Variants in GULP1 observed in about 807,000 individuals in gnomAD.
GULP1 encodes the protein GULP PTB domain containing engulfment adaptor 1.
A neutral mutation model predicts 40.9 loss-of-function variants in GULP1; 19 were observed. The observed-to-expected ratio is 0.46, with a 90% CI of 0.32 to 0.68. GULP1 has a LOEUF of 0.68. Ranked by LOEUF, GULP1 falls within the 30% of genes least tolerant of loss-of-function variation. The probability of loss-of-function intolerance (pLI) is 0.03; values close to 1 mark genes in which losing one functional copy is unlikely to be tolerated. For missense variants in GULP1, 312 were observed against 362.2 expected, an observed-to-expected ratio of 0.86 and a Z score of 1.12; for synonymous variants, 119 against 117.6, an observed-to-expected ratio of 1.01 and a Z score of -0.08.
At chr2:188,348,637 G>T (rs1469978525) in intron 1 of GULP1, among the ~76,000 whole-genome samples, 1 of 152,180 alleles carries the variant, frequency 6.6e-6, no homozygotes, top group Non-Finnish European at 1.5e-5. Context: ...AGGTGAAAAT[G>T]AAGAGTTACA....
At chr2:188,397,680 G>A (rs1482796546) in intron 2 of GULP1, among the ~76,000 whole-genome samples, 1 of 152,154 alleles carries the variant, frequency 6.6e-6, no homozygotes, top group African/African-American at 2.4e-5. Context: ...AGCTTAGCTG[G>A]TACCTCTGGC....
chr2:188,569,315 AT>A lies in GULP1; in HGVS notation c.477del (p.Asp159GlufsTer18). 1 of 1,598,308 alleles carries A rather than the reference AT, an allele frequency of 6.3e-7. No homozygotes were observed. Among genetic ancestry groups the A allele is most frequent in the Non-Finnish European group, 8.6e-7 (1 of 1,165,722 alleles). On this transcript the variant is annotated frameshift_variant, in exon 8 of 12. Transcript: ENST00000409830. LOFTEE classifies it high-confidence loss of function. Reference sequence around the variant, plus strand: ...AAATTTCTAGAATCAGGAGGAAAAGATGTTGAAACAAGAAAACAGATCGCAG... The same window carrying A: ...AAATTTCTAGAATCAGGAGGAAAAGAGTTGAAACAAGAAAACAGATCGCAG... ...YRKFLESGGK[D>X]VETRKQIAGL...
At chr2:188,566,593 C>T (rs954341886) in intron 7 of GULP1, among the ~76,000 whole-genome samples, 1 of 151,544 alleles carries the variant, frequency 6.6e-6, no homozygotes, top group African/African-American at 2.4e-5. Flanking sequence ...GTCAGGAGTT[C>T]AAGACCAGCC....
chr2:188,409,320 A>G (rs1019010845), intron 2 of GULP1, among the ~76,000 whole-genome samples: 1 of 152,194 alleles, frequency 6.6e-6, no homozygotes, highest in Admixed American at 6.5e-5. Context: ...AAAGACTGCT[A>G]TGAACAACAA....
chr2:188,565,810 TGTG>T (rs1697518675), intron 7 of GULP1, among the ~76,000 whole-genome samples: 1 of 152,120 alleles, frequency 6.6e-6, no homozygotes, highest in African/African-American at 2.4e-5. Context: ...ATAAATCACT[TGTG>T]GTATATTTGT....
chr2:188,352,774 T>C (rs1299459649), intron 1 of GULP1, among the ~76,000 whole-genome samples: 1 of 152,084 alleles, frequency 6.6e-6, no homozygotes. Context: ...AGCCTCACTA[T>C]TGAGGAACTG....
At chr2:188,382,483 T>C (rs2049119573) in intron 1 of GULP1, among the ~76,000 whole-genome samples, 1 of 152,188 alleles carries the variant, frequency 6.6e-6, no homozygotes, top group South Asian at 2.1e-4. Flanking sequence ...TTTCCTGGGA[T>C]CATCTCCCAA....
At chr2:188,295,419 C>A (rs2034697288) in intron 1 of GULP1, among the ~76,000 whole-genome samples, 2 of 152,258 alleles carry the variant, frequency 1.3e-5, no homozygotes, top group South Asian at 4.1e-4. Context: ...TATTTTACTT[C>A]TTAAACATTT....
intron 2 of GULP1, among the ~76,000 whole-genome samples, chr2:188,394,864 T>C (rs1401127075): frequency 2.0e-5 from 3 of 152,186 alleles, no homozygotes; most frequent in Non-Finnish European, 2.9e-5. Flanking sequence ...GTTGTTGCAG[T>C]GTGCTTGATG....
chr2:188,593,339 TA>T (rs1287299341), intron 11 of GULP1: 1 of 152,030 alleles, frequency 6.6e-6, no homozygotes, highest in East Asian at 1.9e-4. Context: ...ATAGACAACT[TA>T]ACTTCTAAAA....
At chr2:188,483,327 C>G (rs947080037) in intron 3 of GULP1, 104 bp from the exon 4 acceptor site, 3 of 498,874 alleles carry the variant, frequency 6.0e-6, no homozygotes, top group Non-Finnish European at 1.1e-5. Context: ...CAAAGAATCT[C>G]AGAATTAGAA....
intron 9 of GULP1, among the ~76,000 whole-genome samples, chr2:188,572,139 G>A (rs1386207962): frequency 6.6e-6 from 1 of 152,194 alleles, no homozygotes; most frequent in African/African-American, 2.4e-5. Context: ...ACAAAGGACA[G>A]GAGGAATGAC....
At chr2:188,461,677 G>A (rs1365372601) in intron 2 of GULP1, among the ~76,000 whole-genome samples, 2 of 151,846 alleles carry the variant, frequency 1.3e-5, no homozygotes, top group East Asian at 3.9e-4. Flanking sequence ...TTTCTTCCTG[G>A]TTCAATCTTG....
intron 4 of GULP1, among the ~76,000 whole-genome samples, chr2:188,509,605 A>G (rs1006318999): frequency 6.6e-6 from 1 of 152,072 alleles, no homozygotes. Flanking sequence ...CTCCCTTAAT[A>G]TGATCACTCA....
At chr2:188,458,264 T>C (rs903537164) in intron 2 of GULP1, among the ~76,000 whole-genome samples, 1 of 152,186 alleles carries the variant, frequency 6.6e-6, no homozygotes, top group Non-Finnish European at 1.5e-5. Context: ...ATTTATGCTC[T>C]CTCTTTTCTG....
chr2:188,410,145 G>T (rs571615352), intron 2 of GULP1, among the ~76,000 whole-genome samples: 1 of 152,118 alleles, frequency 6.6e-6, no homozygotes, highest in South Asian at 2.1e-4. Flanking sequence ...CAGTTGCATG[G>T]AGAAGAATGA....
chr2:188,580,188 A>G (rs1326067682), intron 9 of GULP1, among the ~76,000 whole-genome samples: 1 of 152,240 alleles, frequency 6.6e-6, no homozygotes, highest in Non-Finnish European at 1.5e-5. Flanking sequence ...ACAGTAAGTT[A>G]TATCGAACAA....
At chr2:188,394,475 A>G (rs543336552) in intron 2 of GULP1, among the ~76,000 whole-genome samples, 1 of 152,080 alleles carries the variant, frequency 6.6e-6, no homozygotes, top group South Asian at 2.1e-4. Flanking sequence ...TTTCTCTTGT[A>G]TCTCCTTGAG....
intron 2 of GULP1, among the ~76,000 whole-genome samples, chr2:188,420,995 C>T (rs2055324968): frequency 6.6e-6 from 1 of 152,108 alleles, no homozygotes; most frequent in Non-Finnish European, 1.5e-5. Flanking sequence ...TCATTTTCCT[C>T]ATTTCCTCTC....
Sources: allele counts gnomAD v4.1 joint callset (sites outside exome capture counted in the v4.1 genomes callset), GRCh38; gene constraint gnomAD v4.1.1; transcripts MANE v1.5; gene names NCBI Gene and HGNC (gene_info 2026-07-23, HGNC 2026-07-21).